The following CNIH3 variants were observed in gnomAD, a reference collection of about 807,000 sequenced individuals.
The protein encoded by CNIH3 is protein cornichon homolog 3.
CNIH3 carries 14 observed loss-of-function variants against 24.1 expected under a neutral mutation model. That is an observed-to-expected ratio of 0.58 (90% CI 0.38 to 0.91). The LOEUF (loss-of-function observed/expected upper bound fraction) is 0.91. CNIH3 is among the 40% of genes least tolerant of loss of function. The pLI, the probability that CNIH3 is intolerant of heterozygous loss-of-function variation, is 0.00. For synonymous variants in CNIH3, 68 were observed against 73.8 expected (o/e 0.92, Z 0.40); for missense variants, 178 against 196.8 (o/e 0.90, Z 0.57).
chr1:224,458,963 CTGTTATGTGG>C lies in CNIH3; in HGVS notation n.203+24103_203+24112del, dbSNP rs1296537124. 1.3e-5 allele frequency among the ~76,000 whole-genome samples: 2 copies of C among 152,190 alleles called. No individual in the cohort carries two copies. The highest frequency in any genetic ancestry group is 2.9e-5 in the Non-Finnish European group (2 of 68,038). ...AAAAGGGGAAAATTTAAGCACCATA[CTGTTATGTGG>C]TCCTTGTACCCAGAGGCCCTGTTCA... On this transcript the variant is annotated intron_variant and non_coding_transcript_variant, in intron 1 of 5. Coordinates refer to the CNIH3 transcript ENST00000471578. This position sits in a 1 kb window ranked among gnomAD's most constrained non-coding sequence, Gnocchi z 4.3.
intron 3 of CNIH3, among the ~76,000 whole-genome samples, chr1:224,719,284 G>T (rs1421830547): frequency 2.6e-5 from 4 of 152,116 alleles, no homozygotes; most frequent in Non-Finnish European, 4.4e-5. Context: ...TTCTTCAGGA[G>T]CATGGGGAGC....
upstream of CNIH3, among the ~76,000 whole-genome samples, chr1:224,612,877 A>G (rs1011250538): frequency 1.3e-5 from 2 of 152,248 alleles, no homozygotes; most frequent in African/African-American, 2.4e-5. The surrounding 1 kb of genome is among the most constrained non-coding windows in gnomAD (Gnocchi z 4.7). Flanking sequence ...TACAATGAAA[A>G]GAAATGATCT....
chr1:224,526,089 C>T (rs1030184862), intron 2 of CNIH3, among the ~76,000 whole-genome samples: 1 of 152,202 alleles, frequency 6.6e-6, no homozygotes, highest in African/African-American at 2.4e-5. Context: ...AGAATGGGAG[C>T]ACAGCAGATT....
chr1:224,734,264 C>T (rs1325270422), intron 4 of CNIH3, among the ~76,000 whole-genome samples: 1 of 152,166 alleles, frequency 6.6e-6, no homozygotes, highest in Non-Finnish European at 1.5e-5. Flanking sequence ...TCCTGAGAGG[C>T]GGCTCTTCCT....
At chr1:224,537,155 C>A (rs536442401), downstream of CNIH3, 1 of 152,258 alleles carries the variant, frequency 6.6e-6, no homozygotes, top group South Asian at 2.1e-4. Flanking sequence ...ACAATTTGCC[C>A]GCAAGGAAAT....
At chr1:224,575,392 C>T in intron 4 of CNIH3, 1 of 1,081,260 alleles carries the variant, frequency 9.2e-7, no homozygotes, top group Non-Finnish European at 1.4e-6. Context: ...AGTTTTGAAG[C>T]TGTGGATGCC....
chr1:224,529,692 G>C (rs1440921370), intron 2 of CNIH3, among the ~76,000 whole-genome samples: 1 of 152,210 alleles, frequency 6.6e-6, no homozygotes, highest in East Asian at 1.9e-4. Context: ...GAGGCAGAGA[G>C]GGAAGGTTAT....
At chr1:224,471,358 A>G (rs1262864770) in intron 1 of CNIH3, among the ~76,000 whole-genome samples, 1 of 151,752 alleles carries the variant, frequency 6.6e-6, no homozygotes, top group East Asian at 1.9e-4. Context: ...CATTCATTCT[A>G]TTTTTTTGTA....
chr1:224,503,666 T>C (rs769796675), intron 1 of CNIH3, among the ~76,000 whole-genome samples: 2 of 152,316 alleles, frequency 1.3e-5, no homozygotes, highest in African/African-American at 4.8e-5. Flanking sequence ...TGCCTGGTGT[T>C]TAGCAAGGGG....
intron 1 of CNIH3, among the ~76,000 whole-genome samples, chr1:224,489,320 TC>T (rs1677152254): frequency 6.6e-6 from 1 of 152,156 alleles, no homozygotes; most frequent in African/African-American, 2.4e-5. Flanking sequence ...AATTTGGGGC[TC>T]CCCCTTTCTG....
intron 1 of CNIH3, among the ~76,000 whole-genome samples, chr1:224,630,237 C>T (rs545558612): frequency 2.6e-5 from 4 of 152,218 alleles, no homozygotes; most frequent in East Asian, 3.9e-4. Context: ...CAGATCAGTG[C>T]AAAGGGTTAG....
At chr1:224,520,355 C>T (rs1055095140) in intron 1 of CNIH3, among the ~76,000 whole-genome samples, 1 of 152,104 alleles carries the variant, frequency 6.6e-6, no homozygotes, top group African/African-American at 2.4e-5. Flanking sequence ...ATAAGCGATC[C>T]CACACCTCTA....
At chr1:224,686,913 A>AT (rs1686689800) in intron 3 of CNIH3, among the ~76,000 whole-genome samples, 2 of 152,182 alleles carry the variant, frequency 1.3e-5, no homozygotes, top group Admixed American at 1.3e-4. Context: ...AAACTGAGGC[A>AT]TTTTACTCCA....
chr1:224,532,104 A>AAAATAG (rs767790794), intron 2 of CNIH3, among the ~76,000 whole-genome samples: 9 of 152,130 alleles, frequency 5.9e-5, no homozygotes, highest in Non-Finnish European at 1.3e-4. Context: ...GCAGAAAGAC[A>AAAATAG]AAATAGAGGA....
chr1:224,442,237 C>T (rs1331828885), intron 1 of CNIH3, among the ~76,000 whole-genome samples: 9 of 152,024 alleles, frequency 5.9e-5, no homozygotes, highest in Non-Finnish European at 1.3e-4. Flanking sequence ...TCTTGAACTC[C>T]TGGGCTCAAA....
chr1:224,509,945 C>G (rs2124890540), intron 1 of CNIH3, among the ~76,000 whole-genome samples: 1 of 152,298 alleles, frequency 6.6e-6, no homozygotes, highest in South Asian at 2.1e-4. Flanking sequence ...GTCTCCTCCT[C>G]AATGCTTTCC....
chr1:224,598,684 C>A (rs1682088381), intron 3 of CNIH3, among the ~76,000 whole-genome samples: 1 of 152,202 alleles, frequency 6.6e-6, no homozygotes, highest in Non-Finnish European at 1.5e-5. Context: ...AACATGCAGG[C>A]AAGACCCTCC....
At chr1:224,596,855 C>A (rs1285757135) in intron 3 of CNIH3, among the ~76,000 whole-genome samples, 2 of 152,058 alleles carry the variant, frequency 1.3e-5, no homozygotes, top group Non-Finnish European at 2.9e-5. Flanking sequence ...AAGCAGGCAT[C>A]AAAAAACAGA....
intron 1 of CNIH3, among the ~76,000 whole-genome samples, chr1:224,494,654 G>A (rs1466780727): frequency 6.6e-6 from 1 of 152,058 alleles, no homozygotes; most frequent in Non-Finnish European, 1.5e-5. Flanking sequence ...GGTTCCTTTT[G>A]CAGCCACTTT....
Sources: gnomAD v4.1 joint callset for allele counts (sites outside exome capture counted in the v4.1 genomes callset) on GRCh38, gnomAD v4.1.1 for gene constraint, Gnocchi (gnomAD v3.1) non-coding constraint, MANE v1.5 for transcripts, NCBI Gene and HGNC (gene_info 2026-07-23, HGNC 2026-07-21) for gene names.